Variants in CEP350 observed in about 807,000 individuals in gnomAD.
CEP350 encodes centrosomal protein 350, also known as centrosome-associated protein 350.
In CEP350, 126 loss-of-function variants were observed where a neutral mutation model predicts 331.8. The observed-to-expected ratio is 0.38, with a 90% CI of 0.33 to 0.44. The LOEUF (loss-of-function observed/expected upper bound fraction) is 0.44. CEP350 is among the 20% of genes least tolerant of loss of function. The pLI is 1.00. For synonymous variants in CEP350, 1,200 were observed against 1,259.5 expected, an observed-to-expected ratio of 0.95 and a Z score of 1.00; for missense variants, 3,406 against 3,634.6, an observed-to-expected ratio of 0.94 and a Z score of 1.62.
At chr1:180,102,127 C>T (rs963260915) in intron 37 of CEP350, among the ~76,000 whole-genome samples, 4 of 151,344 alleles carry the variant, frequency 2.6e-5, no homozygotes, top group African/African-American at 9.7e-5. Flanking sequence ...GGCCTAACAC[C>T]CTTGACATTT....
intron 1 of CEP350, among the ~76,000 whole-genome samples, chr1:179,965,615 C>T (rs377146293): frequency 8.4e-4 from 71 of 84,388 alleles, no homozygotes; most frequent in Admixed American, 1.0e-3. Flanking sequence ...TTTTTCTTTT[C>T]TTTTTTTTTT....
intron 32 of CEP350, 73 bp downstream of exon 32, chr1:180,087,790 G>C: frequency 1.5e-6 from 2 of 1,317,690 alleles, no homozygotes; most frequent in South Asian, 2.2e-5. Flanking sequence ...TTCAGTAGAA[G>C]TTACCCTTTA....
At chr1:179,965,604 CT>C (rs1650944426) in intron 1 of CEP350, among the ~76,000 whole-genome samples, 1 of 111,558 alleles carries the variant, frequency 9.0e-6, no homozygotes, top group African/African-American at 3.1e-5. Flanking sequence ...GATCTTTTTT[CT>C]TTTTCTTTTC....
intron 37 of CEP350, 104 bp from the exon 38 acceptor site, chr1:180,110,893 T>C: frequency 1.0e-6 from 1 of 983,236 alleles, no homozygotes. Flanking sequence ...CTGGTTTATT[T>C]CCTTGGGCTG....
At chr1:180,054,341 C>G in intron 24 of CEP350, 74 bp from the exon 25 acceptor site, 1 of 1,251,932 alleles carries the variant, frequency 8.0e-7, no homozygotes, top group African/African-American at 1.5e-5. Flanking sequence ...TTTTAGTAGT[C>G]AAGAATTCTT....
rs1363516834 is a variant in CEP350 at position 180,004,906 on chromosome 1, G to GCTTGCTTGCTTTCTTT, written c.1133-1545_1133-1544insGCTTGCTTTCTTTCTT. On this transcript the variant is annotated intron_variant, in intron 7 of 37. Coordinates refer to ENST00000367607, the MANE Select transcript of CEP350 (RefSeq NM_014810.5). ...TGCTTGCTTGCTTGCTTGCTTGCTT[G>GCTTGCTTGCTTTCTTT]CTTTCTTTCTTTCTTTCTTTCTTTC... Among the ~76,000 whole-genome samples, 340 of 130,776 alleles carry GCTTGCTTGCTTTCTTT rather than the reference G, an allele frequency of 2.6e-3. 2 individuals carry two copies. Among genetic ancestry groups the GCTTGCTTGCTTTCTTT allele is most frequent in the Middle Eastern group, 7.8e-3 (2 of 258 alleles). 85.8% of individuals were successfully genotyped at this position (130,776 alleles called of 152,430 possible). A position where few individuals can be genotyped will look rare whatever the true frequency, so the allele number is the denominator to read the frequency against.
chr1:180,052,827 GTTT>G (rs1657598535), intron 22 of CEP350, 140 bp from the exon 23 acceptor site: 1 of 418,590 alleles, frequency 2.4e-6, no homozygotes, highest in Non-Finnish European at 4.2e-6. Flanking sequence ...AATGAATTTT[GTTT>G]ATTATTTCAT....
At chr1:180,018,168 G>A (rs931306462) in intron 11 of CEP350, among the ~76,000 whole-genome samples, 10 of 152,022 alleles carry the variant, frequency 6.6e-5, no homozygotes, top group African/African-American at 2.4e-4. Flanking sequence ...ACCACGCCTG[G>A]CTAATTTTAT....
intron 26 of CEP350, among the ~76,000 whole-genome samples, chr1:180,064,381 C>A (rs888217055): frequency 6.6e-6 from 1 of 152,068 alleles, no homozygotes; most frequent in Non-Finnish European, 1.5e-5. Context: ...TCTGTCGCAT[C>A]CAATGACTAT....
At chr1:180,048,448 C>T in intron 21 of CEP350, 88 bp from the exon 22 acceptor site, 1 of 782,764 alleles carries the variant, frequency 1.3e-6, no homozygotes, top group Non-Finnish European at 2.1e-6. Context: ...CTATAAAGTA[C>T]AGTCATTTGG....
intron 8 of CEP350, among the ~76,000 whole-genome samples, chr1:180,010,606 C>CTTT (rs1043402251): frequency 6.9e-6 from 1 of 144,562 alleles, no homozygotes; most frequent in Non-Finnish European, 1.5e-5. Flanking sequence ...TTCTTTCTTT[C>CTTT]TTTTTTTTTT....
chr1:179,977,932 TA>T (rs1363476062), intron 1 of CEP350, among the ~76,000 whole-genome samples: 7 of 150,656 alleles, frequency 4.6e-5, no homozygotes, highest in Non-Finnish European at 1.0e-4. Context: ...TTTTATACTT[TA>T]AAAATATTTT....
chr1:180,077,472 A>T (rs1277877113), intron 28 of CEP350, among the ~76,000 whole-genome samples: 1 of 151,906 alleles, frequency 6.6e-6, no homozygotes, highest in Non-Finnish European at 1.5e-5. Flanking sequence ...TCAAGAGTTC[A>T]TGACAAGCCT....
chr1:180,093,457 A>G lies in CEP350; in HGVS notation c.7352A>G (p.His2451Arg). 1.9e-6 allele frequency: 3 copies of G among 1,606,950 alleles called. No homozygotes were observed. Among genetic ancestry groups the G allele is most frequent in the Non-Finnish European group, 2.6e-6 (3 of 1,176,240 alleles). The change falls in exon 34 of 38, where the codon CAT becomes CGT. Residue 2451 changes from histidine (H) to arginine (R), a missense_variant. By Grantham distance (29) the His-to-Arg change is conservative. Coordinates refer to ENST00000367607, the MANE Select transcript of CEP350 (RefSeq NM_014810.5). ...AGCCTTTCTATCCATAGCAATGTTC[A>G]TTCTGACAGGCTGTTGGAACTCAAG... ...EKSLSIHSNV[H>R]SDRLLELKSP...
chr1:180,075,335 C>A, intron 28 of CEP350, 114 bp downstream of exon 28: 1 of 1,120,452 alleles, frequency 8.9e-7, no homozygotes. Flanking sequence ...GCCTGTAATC[C>A]TAACACTTTG....
Position 180,013,835 on chromosome 1 carries a change from C to T in CEP350, c.1394-12C>T, listed in dbSNP as rs753062822. 7 of 1,591,740 alleles carry T rather than the reference C, an allele frequency of 4.4e-6. No individual in the cohort carries two copies. The highest frequency in any genetic ancestry group is 2.2e-5 in the East Asian group (1 of 44,746). On this transcript the variant is annotated splice_polypyrimidine_tract_variant and intron_variant, in intron 9 of 37. Transcript: ENST00000367607. ...GAATTTCGGTATATCACTAACAGTTCATACTTTGCAGGGGGTCACATTGGA... is the reference window on the plus strand; with the variant it reads ...GAATTTCGGTATATCACTAACAGTTTATACTTTGCAGGGGGTCACATTGGA...
At chr1:180,041,568 G>T (rs930645763) in intron 18 of CEP350, 94 bp from the exon 19 acceptor site, 1 of 1,247,982 alleles carries the variant, frequency 8.0e-7, no homozygotes, top group South Asian at 1.6e-5. Context: ...TTTTTACTAT[G>T]AATAAGACAT....
At chr1:180,100,431 GA>G (rs1348682883) in intron 37 of CEP350, among the ~76,000 whole-genome samples, 1 of 152,080 alleles carries the variant, frequency 6.6e-6, no homozygotes, top group Non-Finnish European at 1.5e-5. Flanking sequence ...AGGAATTAAA[GA>G]AAAAAGCATA....
intron 18 of CEP350, 114 bp downstream of exon 18, chr1:180,041,362 G>A (rs1656749400): frequency 2.6e-6 from 2 of 767,088 alleles, no homozygotes; most frequent in South Asian, 4.4e-5. Context: ...AAATAATAAA[G>A]TTTTAGTACT....
Sources: allele counts gnomAD v4.1 joint callset (sites outside exome capture counted in the v4.1 genomes callset), GRCh38; gene constraint gnomAD v4.1.1; transcripts MANE v1.5; gene names NCBI Gene and HGNC (gene_info 2026-07-23, HGNC 2026-07-21).